CLIC1: variants seen among roughly 807,000 people sequenced by gnomAD.
CLIC1 encodes chloride intracellular channel protein 1.
CLIC1 carries 16 observed loss-of-function variants against 26.4 expected under a neutral mutation model. That is an observed-to-expected ratio of 0.61 (90% CI 0.41 to 0.92). The LOEUF (loss-of-function observed/expected upper bound fraction) is 0.92. Among genes scored for constraint, CLIC1 ranks in the 40% least tolerant of loss-of-function variants. CLIC1 has a pLI of 0.00. For missense variants in CLIC1, 225 were observed against 289.7 expected (o/e 0.78, Z 1.62); for synonymous variants, 98 against 120.8 (o/e 0.81, Z 1.24).
Position 31,734,175 on chromosome 6 carries a change from A to G in CLIC1, c.128T>C (p.Val43Ala), listed in dbSNP as rs1808183112. The G allele has an allele frequency of 6.2e-7, 1 of 1,613,688 alleles. No homozygotes were observed. Among genetic ancestry groups the G allele is most frequent in the Admixed American group, 1.7e-5 (1 of 60,026 alleles). The change falls in exon 2 of 6, where the codon GTT becomes GCT. Residue 43 changes from valine to alanine, a missense_variant. Physicochemically the swap from Val to Ala is moderately conservative, Grantham distance 64. Transcript: ENST00000375784. This position sits in a 1 kb window ranked among gnomAD's most constrained non-coding sequence, Gnocchi z 5.3. Reference sequence around the variant, plus strand: ...CTACCTTTTGGTGTCAACGGTGGTAACATTGAAGGTGACTCCCTTGAGCCA... The same window carrying G: ...CTACCTTTTGGTGTCAACGGTGGTAGCATTGAAGGTGACTCCCTTGAGCCA...
chr6:31,733,175 T>G lies in CLIC1; in HGVS notation c.382+391A>C, dbSNP rs1031736225. Among the ~76,000 whole-genome samples, 1 of 152,136 alleles carries G rather than the reference T, an allele frequency of 6.6e-6. No individual in the cohort carries two copies. Among genetic ancestry groups the G allele is most frequent in the Non-Finnish European group, 1.5e-5 (1 of 68,002 alleles). ...ACCCATGAAATAGGTATTGTCATCC[T>G]AATTTTGTGGATCTGGAAATGGACT... On this transcript the variant is annotated intron_variant, in intron 4 of 5. Transcript: ENST00000375784. The surrounding 1 kb of genome is among the most constrained non-coding windows in gnomAD (Gnocchi z 5.4).
intron 1 of CLIC1, among the ~76,000 whole-genome samples, chr6:31,735,767 G>A (rs1449396216): frequency 1.4e-5 from 2 of 142,414 alleles, no homozygotes; most frequent in Non-Finnish European, 3.1e-5. Flanking sequence ...CTCACTCTCA[G>A]GCCTCCCTCA....
chr6:31,736,210 G>A lies in CLIC1; in HGVS notation c.39+52C>T. The A allele has an allele frequency of 6.3e-7, 1 of 1,589,700 alleles. No homozygotes were observed. The highest frequency in any genetic ancestry group is 1.1e-5 in the South Asian group (1 of 90,582). Reference sequence around the variant, plus strand: ...GAGTTAAGGCTGGACCGGGGGAAAGGTGAGAGTTGGCTTCCAGGAATTTGG... The same window carrying A: ...GAGTTAAGGCTGGACCGGGGGAAAGATGAGAGTTGGCTTCCAGGAATTTGG... On this transcript the variant is annotated intron_variant, in intron 1 of 5. Coordinates refer to ENST00000375784, the Ensembl canonical transcript of CLIC1. This position sits in a 1 kb window ranked among gnomAD's most constrained non-coding sequence, Gnocchi z 5.0.
At position 31,733,055 on chromosome 6, in the gene CLIC1, G is replaced by A. The variant is rs1055351793; in HGVS notation, c.382+511C>T. On this transcript the variant is annotated intron_variant, in intron 4 of 5. Coordinates refer to ENST00000375784, the Ensembl canonical transcript of CLIC1. The surrounding 1 kb of genome is among the most constrained non-coding windows in gnomAD (Gnocchi z 5.4). Reference sequence around the variant, plus strand: ...GAGAATTGCTTGAACCCGGCAGGCAGAGGTTGCAGTGAGCTGATTGCACCA... The same window carrying A: ...GAGAATTGCTTGAACCCGGCAGGCAAAGGTTGCAGTGAGCTGATTGCACCA... 6.6e-6 allele frequency among the ~76,000 whole-genome samples: 1 copy of A among 151,770 alleles called. No homozygotes were observed.
At position 31,730,921 on chromosome 6, in the gene CLIC1, C is replaced by T. The variant is rs753719763; in HGVS notation, c.647G>A (p.Arg216Gln). ...TGGACAGGTGGAAGCGAATTCTTCC[C>T]GGGCGTAGGCATTGCTCAAGTACCG... The change falls in exon 6 of 6, where the codon CGG (arginine) becomes CAG (glutamine). Residue 216 changes from arginine to glutamine, a missense_variant. Physicochemically the swap from Arg to Gln is conservative, Grantham distance 43. Coordinates refer to ENST00000375784, the Ensembl canonical transcript of CLIC1. The surrounding 1 kb of genome is among the most constrained non-coding windows in gnomAD (Gnocchi z 5.1). 43 of 1,612,962 alleles carry T rather than the reference C, an allele frequency of 2.7e-5. No individual in the cohort carries two copies. Among genetic ancestry groups the T allele is most frequent in the Non-Finnish European group, 3.3e-5 (39 of 1,180,038 alleles).
chr6:31,730,869 A>T lies in CLIC1; in HGVS notation c.699T>A (p.Tyr233Ter). The change falls in exon 6 of 6, where the codon TAT becomes TAA. Residue 233 changes from tyrosine to a stop codon, truncating the protein, a stop_gained. Coordinates refer to ENST00000375784, the Ensembl canonical transcript of CLIC1. LOFTEE classifies it high-confidence loss of function. This position sits in a 1 kb window ranked among gnomAD's most constrained non-coding sequence, Gnocchi z 5.1. ...ATTTGAGGGCCTTTGCCACTTGCTCATAGGCGAGCTCGATCTCCTCATCAT... is the reference window on the plus strand; with the variant it reads ...ATTTGAGGGCCTTTGCCACTTGCTCTTAGGCGAGCTCGATCTCCTCATCAT... 3 of 1,613,086 alleles carry T rather than the reference A, an allele frequency of 1.9e-6. No homozygotes were observed. The highest frequency in any genetic ancestry group is 2.5e-6 in the Non-Finnish European group (3 of 1,180,042).
Position 31,732,466 on chromosome 6 carries a change from G to T in CLIC1, c.383-68C>A. 8.4e-7 allele frequency: 1 copy of T among 1,193,012 alleles called. No homozygotes were observed. The highest frequency in any genetic ancestry group is 1.1e-6 in the Non-Finnish European group (1 of 893,020). 73.9% of individuals were successfully genotyped at this position (1,193,012 alleles called of 1,614,324 possible). ...GACATAGTCCGAAAAGGCCCGTTGG[G>T]GGTGGATACTAATGGTGAGTCCAAA... On this transcript the variant is annotated intron_variant, in intron 4 of 5. Transcript: ENST00000375784. This position sits in a 1 kb window ranked among gnomAD's most constrained non-coding sequence, Gnocchi z 5.0.
chr6:31,736,456 C>G lies in CLIC1; in HGVS notation c.-156G>C. 1 of 1,439,142 alleles carries G rather than the reference C, an allele frequency of 6.9e-7. No individual in the cohort carries two copies. Among genetic ancestry groups the G allele is most frequent in the Non-Finnish European group, 9.2e-7 (1 of 1,091,550 alleles). 89.1% of individuals were successfully genotyped at this position (1,439,142 alleles called of 1,614,324 possible). A position where few individuals can be genotyped will look rare whatever the true frequency, so the allele number is the denominator to read the frequency against. ...TCAATCAGACCTACTTGCACCCAAA[C>G]TAGGCCTCCCCACCAGCCCAACGCA... On this transcript the variant is annotated 5_prime_UTR_variant, in exon 1 of 6. Transcript: ENST00000375784. The surrounding 1 kb of genome is among the most constrained non-coding windows in gnomAD (Gnocchi z 5.0).
intron 5 of CLIC1, among the ~76,000 whole-genome samples, chr6:31,731,581 C>T (rs1306366955): frequency 6.6e-6 from 1 of 152,230 alleles, no homozygotes; most frequent in African/African-American, 2.4e-5. Flanking sequence ...GGATTATAGG[C>T]GTGAGCCACC....
At position 31,730,944 on chromosome 6, in the gene CLIC1, C is replaced by T. The variant is rs1459169043; in HGVS notation, c.624G>A (p.Arg208=). The change falls in exon 6 of 6, where the codon CGG becomes CGA. Residue 208 remains arginine, a synonymous_variant. Transcript: ENST00000375784. This position sits in a 1 kb window ranked among gnomAD's most constrained non-coding sequence, Gnocchi z 5.1. ...CCCGGGCGTAGGCATTGCTCAAGTA[C>T]CGATGCACTCCCCGGAAGGCCTCGG... 1 of 1,613,024 alleles carries T rather than the reference C, an allele frequency of 6.2e-7. No homozygotes were observed. Among genetic ancestry groups the T allele is most frequent in the South Asian group, 1.1e-5 (1 of 91,078 alleles).
rs1379677189 is a variant in CLIC1 at position 31,734,117 on chromosome 6, A to T, written c.149+37T>A. Reference sequence around the variant, plus strand: ...TGGGTGTGTGTTTGCACACATGTGTACACCAGGGGTGTTTCAAGGAACATA... The same window carrying T: ...TGGGTGTGTGTTTGCACACATGTGTTCACCAGGGGTGTTTCAAGGAACATA... On this transcript the variant is annotated intron_variant, in intron 2 of 5. Transcript: ENST00000375784. This position sits in a 1 kb window ranked among gnomAD's most constrained non-coding sequence, Gnocchi z 5.3. 3.1e-6 allele frequency: 5 copies of T among 1,590,864 alleles called. No individual in the cohort carries two copies. The Admixed American group carries it at 8.3e-5, about 27-fold the overall frequency.
Position 31,730,583 on chromosome 6 carries a change from G to T in CLIC1, c.*259C>A. The T allele has an allele frequency of 6.1e-6, 3 of 489,720 alleles. No homozygotes were observed. Among genetic ancestry groups the T allele is most frequent in the Middle Eastern group, 5.4e-4 (1 of 1,858 alleles). 30.3% of individuals were successfully genotyped at this position (489,720 alleles called of 1,614,324 possible). Reference sequence around the variant, plus strand: ...GTCGCCCACACTTTAAATCCCCATTGCGTAAAAACACTTGATTTTTATTCT... The same window carrying T: ...GTCGCCCACACTTTAAATCCCCATTTCGTAAAAACACTTGATTTTTATTCT... On this transcript the variant is annotated 3_prime_UTR_variant, in exon 6 of 6. Transcript: ENST00000375784. This position sits in a 1 kb window ranked among gnomAD's most constrained non-coding sequence, Gnocchi z 5.1.
rs1240191699 is a variant in CLIC1 at position 31,732,461 on chromosome 6, G to A, written c.383-63C>T. 7.2e-6 allele frequency: 9 copies of A among 1,242,188 alleles called. No individual in the cohort carries two copies. The highest frequency in any genetic ancestry group is 2.7e-5 in the East Asian group (1 of 36,568). The allele number at this position is 1,242,188 out of a possible 1,614,324, so 76.9% of individuals were successfully genotyped here. A position where few individuals can be genotyped will look rare whatever the true frequency, so the allele number is the denominator to read the frequency against. ...AGATTGACATAGTCCGAAAAGGCCC[G>A]TTGGGGGTGGATACTAATGGTGAGT... On this transcript the variant is annotated intron_variant, in intron 4 of 5. Coordinates refer to ENST00000375784, the Ensembl canonical transcript of CLIC1. The surrounding 1 kb of genome is among the most constrained non-coding windows in gnomAD (Gnocchi z 5.0).
chr6:31,736,613 G>C (rs1229855634), upstream of CLIC1: 2 of 1,256,176 alleles, frequency 1.6e-6, no homozygotes, highest in Admixed American at 7.3e-5. The surrounding 1 kb of genome is among the most constrained non-coding windows in gnomAD (Gnocchi z 5.0). Context: ...TAGGGAGTGA[G>C]TCCGGAAGGG....
At chr6:31,735,151 C>G in intron 1 of CLIC1, among the ~76,000 whole-genome samples, 2 of 150,404 alleles carry the variant, frequency 1.3e-5, no homozygotes, top group Admixed American at 1.3e-4. Context: ...GAAACCCAAG[C>G]AGAAGGGAGA....
Position 31,733,413 on chromosome 6 carries a change from T to TAGAG in CLIC1, c.382+149_382+152dup, listed in dbSNP as rs1310649254. 6.6e-6 allele frequency among the ~76,000 whole-genome samples: 1 copy of TAGAG among 152,100 alleles called. No homozygotes were observed. The highest frequency in any genetic ancestry group is 1.5e-5 in the Non-Finnish European group (1 of 68,016). On this transcript the variant is annotated intron_variant, in intron 4 of 5. Transcript: ENST00000375784. The surrounding 1 kb of genome is among the most constrained non-coding windows in gnomAD (Gnocchi z 5.4). ...TGGCCAATGAAAATGCAGGGAAATA[T>TAGAG]AGAGGTAAAGCAAAAATGGGAAGCT...
At position 31,734,928 on chromosome 6, in the gene CLIC1, A is replaced by C. The variant is rs1808228930; in HGVS notation, c.40-665T>G. 6.6e-6 allele frequency among the ~76,000 whole-genome samples: 1 copy of C among 151,860 alleles called. No homozygotes were observed. On this transcript the variant is annotated intron_variant, in intron 1 of 5. Transcript: ENST00000375784. The surrounding 1 kb of genome is among the most constrained non-coding windows in gnomAD (Gnocchi z 5.3). ...GCCTGGGCAGCTAAGGCTACCCCTA[A>C]CCTGCTGCCAGGGTCTCCCAGCACA... is the stretch of plus-strand genomic sequence containing the variant.
Position 31,733,965 on chromosome 6 carries a change from G to A in CLIC1, c.150-4C>T, listed in dbSNP as rs761964832. On this transcript the variant is annotated splice_region_variant and splice_polypyrimidine_tract_variant and intron_variant, in intron 2 of 5. Transcript: ENST00000375784. This position sits in a 1 kb window ranked among gnomAD's most constrained non-coding sequence, Gnocchi z 5.4. The stretch of plus-strand genomic sequence containing the variant: ...CTTCTGCACTGTCTCGGTCCGCCTG[G>A]AGAAAGGATCAGGAATCAGGACTGG... 1.2e-6 allele frequency: 2 copies of A among 1,612,080 alleles called. No homozygotes were observed. Among genetic ancestry groups the A allele is most frequent in the Non-Finnish European group, 1.7e-6 (2 of 1,178,850 alleles).
At chr6:31,736,794 A>C (rs753871423), upstream of CLIC1, 79 of 989,814 alleles carry the variant, frequency 8.0e-5, no homozygotes, top group Non-Finnish European at 9.4e-5. The surrounding 1 kb of genome is among the most constrained non-coding windows in gnomAD (Gnocchi z 5.0). Flanking sequence ...CTTGACACTA[A>C]CAGCTTGGGC....
Sources: allele counts gnomAD v4.1 joint callset (sites outside exome capture counted in the v4.1 genomes callset), GRCh38; gene constraint gnomAD v4.1.1; non-coding constraint Gnocchi (gnomAD v3.1); transcripts MANE v1.5; gene names NCBI Gene and HGNC (gene_info 2026-07-23, HGNC 2026-07-21).